Variants in DMD observed in about 807,000 individuals in gnomAD.
The protein encoded by DMD is mutant dystrophin.
DMD carries 63 observed loss-of-function variants against 330.1 expected under a neutral mutation model. The observed-to-expected ratio is 0.19, with a 90% confidence interval of 0.16 to 0.24. DMD has a LOEUF of 0.24. Ranked by LOEUF, DMD falls within the 10% of genes least tolerant of loss-of-function variation. The pLI is 1.00. For synonymous variants in DMD, 1,223 were observed against 959.8 expected (o/e 1.27, Z -5.07); for missense variants, 3,344 against 2,684.1 (o/e 1.25, Z -5.43).
chrX:32,748,178 A>G (rs1209042035), intron 7 of DMD, among the ~76,000 whole-genome samples: 6 of 109,404 alleles, frequency 5.5e-5, no homozygotes, highest in Non-Finnish European at 1.1e-4. Context: ...CCCCGTTTCT[A>G]CTAAAAATAC....
At chrX:31,174,412 T>G (rs1351101566) in intron 71 of DMD, among the ~76,000 whole-genome samples, 2 of 111,794 alleles carry the variant, frequency 1.8e-5, no homozygotes, top group African/African-American at 6.5e-5. Context: ...GGTTAACATT[T>G]TTTCATCCTT....
intron 1 of DMD, among the ~76,000 whole-genome samples, chrX:33,235,931 TATG>T (rs1231326314): frequency 9.6e-6 from 1 of 104,506 alleles, no homozygotes; most frequent in African/African-American, 3.6e-5. Context: ...TTTTTTTTTT[TATG>T]AGACGGAATC....
chrX:32,653,735 A>G (rs1328607400), intron 9 of DMD, among the ~76,000 whole-genome samples: 4 of 111,684 alleles, frequency 3.6e-5, no homozygotes, highest in Non-Finnish European at 7.5e-5. Flanking sequence ...TTGAATCTAT[A>G]AATTACCTTG....
intron 44 of DMD, among the ~76,000 whole-genome samples, chrX:32,147,964 A>G (rs1423985976): frequency 2.1e-5 from 2 of 95,388 alleles, no homozygotes; most frequent in African/African-American, 4.0e-5. Context: ...TGCAACCTCC[A>G]CCTCCCGGGT....
rs185716373 is a variant in DMD at position 31,420,679 on chromosome X, G to C, written c.9084+23802C>G. ...TATTCCCAGGCCATAAGGTAACAAA[G>C]GCCTGGGACACTGTGGTGTCCACAT... On this transcript the variant is annotated intron_variant, in intron 60 of 78. Transcript: ENST00000357033. Among the ~76,000 whole-genome samples the C allele has an allele frequency of 2.7e-3, 301 of 112,404 alleles. 2 individuals are homozygous for C. Among genetic ancestry groups the C allele is most frequent in the African/African-American group, 8.7e-3 (270 of 31,015 alleles).
At chrX:32,800,660 C>G (rs1305619502) in intron 7 of DMD, among the ~76,000 whole-genome samples, 2 of 110,542 alleles carry the variant, frequency 1.8e-5, no homozygotes, top group Non-Finnish European at 3.8e-5. Flanking sequence ...TGTACCAATC[C>G]GTCATCTATG....
chrX:31,486,244 A>C (rs188517740), intron 57 of DMD, among the ~76,000 whole-genome samples: 2 of 112,800 alleles, frequency 1.8e-5, no homozygotes, highest in African/African-American at 6.4e-5. Context: ...GTAAATGCTC[A>C]GTAAACATTG....
At chrX:31,591,531 G>T (rs895803472) in intron 55 of DMD, among the ~76,000 whole-genome samples, 1 of 111,269 alleles carries the variant, frequency 9.0e-6, no homozygotes, top group African/African-American at 3.3e-5. Flanking sequence ...GTTTATGAAA[G>T]TCAGCAAGAT....
intron 29 of DMD, among the ~76,000 whole-genome samples, chrX:32,415,658 CTT>C (rs1389150946): frequency 8.9e-6 from 1 of 111,986 alleles, no homozygotes; most frequent in East Asian, 2.8e-4. Context: ...TATTTCATGT[CTT>C]TAGCTAATCC....
intron 1 of DMD, among the ~76,000 whole-genome samples, chrX:33,257,414 A>G (rs1198377663): frequency 1.8e-5 from 2 of 110,500 alleles, no homozygotes; most frequent in Admixed American, 1.9e-4. Flanking sequence ...ATCCAACAGA[A>G]TTGCTCTGTT....
At chrX:31,738,720 T>C (rs766849623) in intron 51 of DMD, among the ~76,000 whole-genome samples, 1 of 112,293 alleles carries the variant, frequency 8.9e-6, no homozygotes, top group Admixed American at 9.5e-5. Flanking sequence ...GTGGTACCTA[T>C]GCACAATGGA....
chrX:33,112,869 C>T (rs1249105903), intron 1 of DMD, among the ~76,000 whole-genome samples: 2 of 108,734 alleles, frequency 1.8e-5, no homozygotes, highest in Non-Finnish European at 3.8e-5. Flanking sequence ...AGGAGAATCA[C>T]TTGAACCTGG....
intron 62 of DMD, among the ~76,000 whole-genome samples, chrX:31,274,779 TG>T (rs918729503): frequency 8.9e-6 from 1 of 112,575 alleles, no homozygotes; most frequent in Non-Finnish European, 1.9e-5. Context: ...AGTGTATTTA[TG>T]GAACACTTAC....
At chrX:31,505,369 T>C (rs776268444) in intron 56 of DMD, among the ~76,000 whole-genome samples, 1 of 111,445 alleles carries the variant, frequency 9.0e-6, no homozygotes, top group Non-Finnish European at 1.9e-5. Context: ...GAACAATGTC[T>C]GGGAAGCCAG....
At chrX:31,193,152 G>A (rs1329286791) in intron 67 of DMD, among the ~76,000 whole-genome samples, 1 of 111,869 alleles carries the variant, frequency 8.9e-6, no homozygotes, top group Non-Finnish European at 1.9e-5. Context: ...GGAAAAAAAA[G>A]AAACAAAACT....
At chrX:32,243,814 G>T (rs757457388) in intron 43 of DMD, among the ~76,000 whole-genome samples, 1 of 111,213 alleles carries the variant, frequency 9.0e-6, no homozygotes, top group African/African-American at 3.3e-5. Context: ...GTACACAAAA[G>T]AAGAGGTTCT....
At chrX:31,888,912 T>C (rs2094194123) in intron 47 of DMD, among the ~76,000 whole-genome samples, 1 of 112,242 alleles carries the variant, frequency 8.9e-6, no homozygotes, top group African/African-American at 3.2e-5. Context: ...GATTTCCTTT[T>C]TAAAGCATGT....
At chrX:32,354,305 T>G (rs1208237017) in intron 37 of DMD, among the ~76,000 whole-genome samples, 1 of 111,526 alleles carries the variant, frequency 9.0e-6, no homozygotes, top group Non-Finnish European at 1.9e-5. Context: ...CTTTTTCCAT[T>G]CTGCAGCTTT....
Position 32,364,702 on chromosome X carries a change from C to G in DMD, c.5034G>C (p.Gln1678His). ...EEWLNLLLEY[Q>H]KHMETFDQNV... ...TCTGGTCAAAAGTTTCCATGTGTTTCTGGTATTCCTTAATTGTACAGAGAC... is the reference window on the plus strand; with the variant it reads ...TCTGGTCAAAAGTTTCCATGTGTTTGTGGTATTCCTTAATTGTACAGAGAC... Residue 1678 changes from glutamine (Q) to histidine (H), a missense_variant, in exon 36 of 79, where the codon CAG becomes CAC. Transcript: ENST00000357033. The G allele has an allele frequency of 2.5e-6, 3 of 1,208,965 alleles. No individual in the cohort carries two copies. Among genetic ancestry groups the G allele is most frequent in the Non-Finnish European group, 2.2e-6 (2 of 893,465 alleles).
Sources: allele counts gnomAD v4.1 joint callset (sites outside exome capture counted in the v4.1 genomes callset), GRCh38; gene constraint gnomAD v4.1.1; transcripts MANE v1.5; gene names NCBI Gene and HGNC (gene_info 2026-07-23, HGNC 2026-07-21).